Variants in SLC24A3 observed in about 807,000 individuals in gnomAD.
SLC24A3 encodes the protein sodium/potassium/calcium exchanger 3.
In SLC24A3, 28 loss-of-function variants were observed where a neutral mutation model predicts 75.8. That is an observed-to-expected ratio of 0.37 (90% confidence interval 0.27 to 0.51). SLC24A3 has a LOEUF of 0.51. Among genes scored for constraint, SLC24A3 ranks in the 20% least tolerant of loss-of-function variants. The pLI, the probability that SLC24A3 is intolerant of heterozygous loss-of-function variation, is 0.94. For synonymous variants in SLC24A3, 372 were observed against 334.1 expected (o/e 1.11, Z -1.24); for missense variants, 663 against 847.8 (o/e 0.78, Z 2.71).
intron 2 of SLC24A3, among the ~76,000 whole-genome samples, chr20:19,350,644 G>A (rs1215994692): frequency 1.3e-5 from 2 of 152,234 alleles, no homozygotes; most frequent in Non-Finnish European, 2.9e-5. Flanking sequence ...CAGCATAGGA[G>A]AGGAAACTGT....
Position 19,339,196 on chromosome 20 carries a change from G to T in SLC24A3, c.271+58109G>T, listed in dbSNP as rs576872115. Among the ~76,000 whole-genome samples, 6 of 152,274 alleles carry T rather than the reference G, an allele frequency of 3.9e-5. No homozygotes were observed. The South Asian group carries it at 6.2e-4, about 16-fold the overall frequency. On this transcript the variant is annotated intron_variant, in intron 2 of 16. Transcript: ENST00000328041. The stretch of plus-strand genomic sequence containing the variant: ...GTTGTAATTCCATGGGGAGTTCATC[G>T]GGCCGAAGCTGCAGTTCAGATCATT...
In SLC24A3 at chr20:19,585,564, T is replaced by G; in HGVS notation, c.612+20T>G. The stretch of plus-strand genomic sequence containing the variant: ...GGGCAGGTAAGACTGGCGGCTTCTT[T>G]GTGATGGCAAAATGTGACATTGGGG... On this transcript the variant is annotated intron_variant, in intron 6 of 16. Coordinates refer to ENST00000328041, the MANE Select transcript of SLC24A3 (RefSeq NM_020689.4). 1 of 1,608,254 alleles carries G rather than the reference T, an allele frequency of 6.2e-7. No individual in the cohort carries two copies. The highest frequency in any genetic ancestry group is 8.5e-7 in the Non-Finnish European group (1 of 1,175,694).
At chr20:19,269,330 G>A (rs1022580554) in intron 1 of SLC24A3, among the ~76,000 whole-genome samples, 14 of 152,192 alleles carry the variant, frequency 9.2e-5, no homozygotes, top group African/African-American at 3.4e-4. Context: ...ATCCTGGGGA[G>A]TGTTTCAGGA....
intron 2 of SLC24A3, among the ~76,000 whole-genome samples, chr20:19,343,173 T>C (rs965171629): frequency 6.6e-6 from 1 of 151,426 alleles, no homozygotes; most frequent in Admixed American, 6.6e-5. Context: ...TGAAATCCCA[T>C]AGTTTGTTCT....
intron 2 of SLC24A3, among the ~76,000 whole-genome samples, chr20:19,415,385 C>T (rs531113935): frequency 9.8e-5 from 15 of 152,328 alleles, no homozygotes; most frequent in Middle Eastern, 3.4e-3. Context: ...ACAGAAGCCA[C>T]CTCACCAAAG....
intron 2 of SLC24A3, among the ~76,000 whole-genome samples, chr20:19,340,192 T>G (rs1171410187): frequency 6.6e-6 from 1 of 152,148 alleles, no homozygotes; most frequent in Non-Finnish European, 1.5e-5. Context: ...TTTATTAGTA[T>G]CGTACTAATT....
chr20:19,538,445 G>A (rs1464058444), intron 3 of SLC24A3, among the ~76,000 whole-genome samples: 1 of 152,080 alleles, frequency 6.6e-6, no homozygotes, highest in Non-Finnish European at 1.5e-5. Flanking sequence ...AGACAACTTT[G>A]CTTTTTAATG....
chr20:19,555,052 T>C (rs1323132537), intron 3 of SLC24A3, among the ~76,000 whole-genome samples: 1 of 152,232 alleles, frequency 6.6e-6, no homozygotes, highest in African/African-American at 2.4e-5. Context: ...TATTATTTTC[T>C]AATTCTTTGT....
chr20:19,448,554 A>G (rs1987426542), intron 2 of SLC24A3, among the ~76,000 whole-genome samples: 1 of 152,130 alleles, frequency 6.6e-6, no homozygotes, highest in Non-Finnish European at 1.5e-5. Flanking sequence ...TTTTCTCCCC[A>G]GAAGTAGTCT....
intron 8 of SLC24A3, among the ~76,000 whole-genome samples, chr20:19,667,323 G>A (rs941738379): frequency 1.3e-5 from 2 of 152,194 alleles, no homozygotes; most frequent in Admixed American, 1.3e-4. Flanking sequence ...GAATTGACAT[G>A]CCCAGGAGCA....
At chr20:19,440,771 G>A (rs1423066129) in intron 2 of SLC24A3, among the ~76,000 whole-genome samples, 5 of 151,772 alleles carry the variant, frequency 3.3e-5, no homozygotes, top group African/African-American at 1.2e-4. Context: ...GAAGAACGAT[G>A]AGAGTGTCCA....
At chr20:19,679,277 G>A (rs1476640352) in intron 9 of SLC24A3, among the ~76,000 whole-genome samples, 1 of 152,188 alleles carries the variant, frequency 6.6e-6, no homozygotes, top group Non-Finnish European at 1.5e-5. Context: ...GAGGCTGGCG[G>A]ATCACTCGCG....
chr20:19,710,802 A>G (rs4814885), intron 15 of SLC24A3, among the ~76,000 whole-genome samples: 107,338 of 152,218 alleles, frequency 0.71, 38,320 homozygotes, highest in East Asian at 0.95. Flanking sequence ...TGAAGTGTGG[A>G]TTACATGAGT....
chr20:19,521,507 T>G (rs2103701), intron 3 of SLC24A3, among the ~76,000 whole-genome samples: 19,724 of 152,120 alleles, frequency 0.13, 1,437 homozygotes, highest in African/African-American at 0.17. Context: ...GGATGTGTTC[T>G]TGAAGGAGCA....
At chr20:19,364,912 G>A (rs1421853675) in intron 2 of SLC24A3, among the ~76,000 whole-genome samples, 3 of 152,156 alleles carry the variant, frequency 2.0e-5, no homozygotes, top group Admixed American at 2.0e-4. Context: ...AGCAGCAGGA[G>A]AAATGAAAGG....
chr20:19,333,767 A>G (rs765839071), intron 2 of SLC24A3, among the ~76,000 whole-genome samples: 33 of 152,052 alleles, frequency 2.2e-4, no homozygotes, highest in Non-Finnish European at 4.4e-4. Context: ...AAGGAGCGAC[A>G]TTAGTATAAC....
At chr20:19,433,759 A>C (rs1987146890) in intron 2 of SLC24A3, among the ~76,000 whole-genome samples, 1 of 152,358 alleles carries the variant, frequency 6.6e-6, no homozygotes, top group Non-Finnish European at 1.5e-5. Flanking sequence ...CATAGCGCCA[A>C]GGGGAAGTAG....
At position 19,653,937 on chromosome 20, in the gene SLC24A3, G is replaced by A. The variant is rs1263652657; in HGVS notation, c.613-125G>A. 11 of 633,798 alleles carry A rather than the reference G, an allele frequency of 1.7e-5. 1 individual carries two copies. Among genetic ancestry groups the A allele is most frequent in the South Asian group, 1.3e-4 (5 of 39,702 alleles). The allele number at this position is 633,798 out of a possible 1,614,324, so 39.3% of individuals were successfully genotyped here. A position where few individuals can be genotyped will look rare whatever the true frequency, so the allele number is the denominator to read the frequency against. On this transcript the variant is annotated intron_variant, in intron 6 of 16. Coordinates refer to ENST00000328041, the MANE Select transcript of SLC24A3 (RefSeq NM_020689.4). ...ATGCCTAAATACTTGAATAAATTCC[G>A]ATTGATTGGCAGATTGGGTGCAGGA...
At chr20:19,228,341 T>C (rs1391052429) in intron 1 of SLC24A3, among the ~76,000 whole-genome samples, 1 of 152,092 alleles carries the variant, frequency 6.6e-6, no homozygotes, top group Non-Finnish European at 1.5e-5. Context: ...TGGTTTTCTA[T>C]ATTAGAAAAA....
Sources: allele counts gnomAD v4.1 joint callset (sites outside exome capture counted in the v4.1 genomes callset), GRCh38; gene constraint gnomAD v4.1.1; transcripts MANE v1.5; gene names NCBI Gene and HGNC (gene_info 2026-07-23, HGNC 2026-07-21).